ASIC2: variants seen among roughly 807,000 people sequenced by gnomAD.
ASIC2 encodes acid-sensing ion channel 2.
ASIC2 carries 25 observed loss-of-function variants against 57.3 expected under a neutral mutation model. The observed-to-expected ratio is 0.44, with a 90% confidence interval of 0.32 to 0.61. The LOEUF (loss-of-function observed/expected upper bound fraction) is 0.61, where lower values mean the gene tolerates loss of function less well. ASIC2 is among the 20% of genes least tolerant of loss of function. ASIC2 has a pLI of 0.06. For missense variants in ASIC2, 641 were observed against 738.1 expected (o/e 0.87, Z 1.52); for synonymous variants, 319 against 307.5 (o/e 1.04, Z -0.39).
chr17:33,463,532 C>T (rs28718715), intron 1 of ASIC2, among the ~76,000 whole-genome samples: 1,599 of 152,296 alleles, frequency 0.01, 20 homozygotes, highest in African/African-American at 0.037. Flanking sequence ...CTGTGTCTCC[C>T]CCAGAATATA....
chr17:34,133,345 G>A (rs1047300615), intron 1 of ASIC2, among the ~76,000 whole-genome samples: 2 of 152,108 alleles, frequency 1.3e-5, no homozygotes, highest in Non-Finnish European at 2.9e-5. Flanking sequence ...GGCAATGCTC[G>A]GTAAATGGTT....
chr17:34,076,214 A>G (rs1909646330), intron 1 of ASIC2, among the ~76,000 whole-genome samples: 1 of 152,076 alleles, frequency 6.6e-6, no homozygotes, highest in African/African-American at 2.4e-5. Flanking sequence ...CATGTTGGCC[A>G]GGCTGGTCTC....
chr17:33,226,894 ATAT>A (rs1437800957), intron 1 of ASIC2, among the ~76,000 whole-genome samples: 1 of 152,226 alleles, frequency 6.6e-6, no homozygotes, highest in Non-Finnish European at 1.5e-5. Context: ...AAATTAATTA[ATAT>A]TATATTTTTC....
chr17:33,343,490 C>T (rs536576324), intron 1 of ASIC2, among the ~76,000 whole-genome samples: 14 of 152,280 alleles, frequency 9.2e-5, no homozygotes, highest in East Asian at 1.9e-4. Context: ...TACTGGTTTT[C>T]GCATGTGTCC....
At chr17:33,082,964 C>A (rs2092119295) in intron 3 of ASIC2, among the ~76,000 whole-genome samples, 1 of 152,156 alleles carries the variant, frequency 6.6e-6, no homozygotes, top group Non-Finnish European at 1.5e-5. Flanking sequence ...CTAGCCCTGA[C>A]CCCTTTCATG....
chr17:33,480,186 C>T (rs1477433410), intron 1 of ASIC2, among the ~76,000 whole-genome samples: 1 of 152,200 alleles, frequency 6.6e-6, no homozygotes, highest in East Asian at 1.9e-4. Context: ...TTGCAAGGAG[C>T]TGGGGATATA....
At chr17:33,587,798 G>A (rs902883288) in intron 1 of ASIC2, among the ~76,000 whole-genome samples, 13 of 152,168 alleles carry the variant, frequency 8.5e-5, no homozygotes, top group African/African-American at 3.1e-4. Flanking sequence ...ATTAGAAATG[G>A]ATGGGCACAT....
At chr17:33,368,744 C>T (rs1285109579) in intron 1 of ASIC2, among the ~76,000 whole-genome samples, 1 of 152,130 alleles carries the variant, frequency 6.6e-6, no homozygotes, top group African/African-American at 2.4e-5. Context: ...CTTTGGCCAC[C>T]ATCTTTCCTC....
chr17:33,620,430 A>T (rs567966461), intron 1 of ASIC2, among the ~76,000 whole-genome samples: 16 of 152,240 alleles, frequency 1.1e-4, no homozygotes, highest in African/African-American at 3.9e-4. Context: ...CCTCTGTATA[A>T]TGTAAAAATC....
intron 3 of ASIC2, among the ~76,000 whole-genome samples, chr17:33,054,485 C>T (rs1250420045): frequency 6.6e-6 from 1 of 152,152 alleles, no homozygotes; most frequent in East Asian, 1.9e-4. Flanking sequence ...ATGATTTTAC[C>T]ACTAACATTG....
intron 3 of ASIC2, among the ~76,000 whole-genome samples, chr17:33,035,106 T>C (rs1419363998): frequency 6.6e-6 from 1 of 152,206 alleles, no homozygotes; most frequent in East Asian, 1.9e-4. Context: ...CAATCTTCTA[T>C]TGATTCCATG....
intron 5 of ASIC2, among the ~76,000 whole-genome samples, chr17:33,025,382 T>C (rs111460979): frequency 7.2e-5 from 11 of 152,136 alleles, no homozygotes; most frequent in African/African-American, 2.4e-4. Context: ...GAGGAAGAAG[T>C]GTGCTTTGTG....
chr17:33,471,916 C>G (rs939938144), intron 1 of ASIC2, among the ~76,000 whole-genome samples: 1 of 152,050 alleles, frequency 6.6e-6, no homozygotes, highest in Non-Finnish European at 1.5e-5. Flanking sequence ...ATAGTATTTC[C>G]TCATTTGACA....
At position 33,947,260 on chromosome 17, in the gene ASIC2, G is replaced by A. The variant is rs546716737; in HGVS notation, c.555+208718C>T. ...CTGTGTCTCCCCTCCCTCTAGGCAT[G>A]AGTAGTAAGAGTGTTGCCTGTCTGT... On this transcript the variant is annotated intron_variant, in intron 1 of 9. Transcript: ENST00000359872. Among the ~76,000 whole-genome samples, 253 of 152,326 alleles carry A rather than the reference G, an allele frequency of 1.7e-3. 3 individuals are homozygous for A. The highest frequency in any genetic ancestry group is 5.8e-3 in the African/African-American group (243 of 41,584).
chr17:33,507,897 CCT>C (rs1914314017), intron 1 of ASIC2, among the ~76,000 whole-genome samples: 1 of 152,096 alleles, frequency 6.6e-6, no homozygotes, highest in African/African-American at 2.4e-5. Flanking sequence ...AGAGCTAGAC[CCT>C]GTTTCAAAAC....
intron 1 of ASIC2, among the ~76,000 whole-genome samples, chr17:33,615,058 C>T (rs184640201): frequency 7.6e-4 from 115 of 152,308 alleles, no homozygotes; most frequent in South Asian, 2.1e-3. Flanking sequence ...AAGATTTCTT[C>T]CTCTTGTATG....
At chr17:33,425,478 G>A (rs1039492128) in intron 1 of ASIC2, among the ~76,000 whole-genome samples, 4 of 152,210 alleles carry the variant, frequency 2.6e-5, no homozygotes, top group African/African-American at 9.7e-5. Context: ...AACATGATTA[G>A]AAAGCAGAAG....
At chr17:33,950,207 C>T (rs1904513938) in intron 1 of ASIC2, among the ~76,000 whole-genome samples, 1 of 152,180 alleles carries the variant, frequency 6.6e-6, no homozygotes, top group Non-Finnish European at 1.5e-5. Flanking sequence ...CTTCAATTTC[C>T]CTCTCAGCCC....
chr17:33,603,112 C>T (rs1398387822), intron 1 of ASIC2, among the ~76,000 whole-genome samples: 2 of 152,236 alleles, frequency 1.3e-5, no homozygotes, highest in African/African-American at 4.8e-5. Context: ...TTTCTCAGCC[C>T]TCCAGGCAAG....
Sources: gnomAD v4.1 joint callset for allele counts (sites outside exome capture counted in the v4.1 genomes callset) on GRCh38, gnomAD v4.1.1 for gene constraint, MANE v1.5 for transcripts, NCBI Gene and HGNC (gene_info 2026-07-23, HGNC 2026-07-21) for gene names.